Variants in CDH18 observed in about 807,000 individuals in gnomAD.
CDH18 encodes the protein cadherin 18, also known as cadherin-18.
Under a neutral mutation model 67.9 loss-of-function variants are expected in CDH18, and 31 were observed. The ratio of observed to expected loss-of-function variants is 0.46; its 90% confidence interval spans 0.34 to 0.62. The LOEUF is 0.62. CDH18 is among the 20% of genes least tolerant of loss of function. The probability of loss-of-function intolerance (pLI) is 0.01; values close to 1 mark genes in which losing one functional copy is unlikely to be tolerated. For missense variants in CDH18, 890 were observed against 975.5 expected (o/e 0.91, Z 1.17); for synonymous variants, 362 against 347.2 (o/e 1.04, Z -0.48).
rs112394785 is a variant in CDH18, at chr5:20,512,701, T to C, written c.-580+62761A>G. On this transcript the variant is annotated intron_variant, in intron 1 of 14. Coordinates refer to the CDH18 transcript ENST00000507958. Reference sequence around the variant, plus strand: ...GAGTTCGAGACCAGCCTGGCCAATATAGTGAAACCCCATCTCTACTAAAAA... The same window carrying C: ...GAGTTCGAGACCAGCCTGGCCAATACAGTGAAACCCCATCTCTACTAAAAA... 5.8e-3 allele frequency among the ~76,000 whole-genome samples: 887 copies of C among 152,034 alleles called. 8 individuals carry two copies. Among genetic ancestry groups the C allele is most frequent in the African/African-American group, 0.02 (844 of 41,490 alleles).
chr5:19,599,407 CAG>C (rs1233542057), intron 6 of CDH18, among the ~76,000 whole-genome samples: 1 of 152,042 alleles, frequency 6.6e-6, no homozygotes, highest in Non-Finnish European at 1.5e-5. Flanking sequence ...CTAAGTAAAA[CAG>C]ATGTTATGCT....
intron 1 of CDH18, chr5:20,304,014 T>G (rs1167568142): frequency 8.2e-7 from 1 of 1,217,066 alleles, no homozygotes; most frequent in African/African-American, 1.5e-5. Flanking sequence ...AGCAGCAACT[T>G]GGCAATAATT....
intron 2 of CDH18, among the ~76,000 whole-genome samples, chr5:20,178,688 T>G (rs556999425): frequency 6.6e-6 from 1 of 151,994 alleles, no homozygotes; most frequent in South Asian, 2.1e-4. Flanking sequence ...AGTGGGGGTA[T>G]GCAGACACTA....
chr5:20,316,486 C>T (rs530890708), intron 1 of CDH18, among the ~76,000 whole-genome samples: 1 of 152,174 alleles, frequency 6.6e-6, no homozygotes, highest in Non-Finnish European at 1.5e-5. Flanking sequence ...GCACAATACA[C>T]ATAATTATTT....
intron 2 of CDH18, among the ~76,000 whole-genome samples, chr5:19,863,560 C>T (rs1396146400): frequency 3.3e-5 from 5 of 152,210 alleles, no homozygotes; most frequent in Admixed American, 2.6e-4. Context: ...CTCCCCATGA[C>T]ACCGTTAATT....
intron 2 of CDH18, among the ~76,000 whole-genome samples, chr5:20,090,037 A>G (rs1336247586): frequency 1.3e-5 from 2 of 152,182 alleles, no homozygotes. Flanking sequence ...TAAATTAAAT[A>G]TAGCCCTTGG....
chr5:20,138,430 C>T (rs1026265188), intron 2 of CDH18, among the ~76,000 whole-genome samples: 1 of 152,144 alleles, frequency 6.6e-6, no homozygotes, highest in African/African-American at 2.4e-5. Context: ...TCTCTCACTA[C>T]TCCTGTTAAA....
intron 2 of CDH18, among the ~76,000 whole-genome samples, chr5:20,204,191 C>T (rs912652629): frequency 1.3e-5 from 2 of 151,838 alleles, no homozygotes; most frequent in Admixed American, 6.6e-5. Flanking sequence ...TCTCAAAGCA[C>T]GTAATAACCA....
At chr5:19,774,426 T>TAAAAATAAAATAAAATAAAA (rs146014082) in intron 3 of CDH18, among the ~76,000 whole-genome samples, 1 of 139,450 alleles carries the variant, frequency 7.2e-6, no homozygotes, top group African/African-American at 2.6e-5. Flanking sequence ...TAAAATAAAA[T>TAAAAATAAAATAAAATAAAA]TAAAATAAAA....
chr5:20,434,037 A>C (rs1437047783), intron 1 of CDH18, among the ~76,000 whole-genome samples: 1 of 152,092 alleles, frequency 6.6e-6, no homozygotes, highest in Admixed American at 6.6e-5. Context: ...CCCTGGTACT[A>C]GGAATGTTTG....
intron 1 of CDH18, among the ~76,000 whole-genome samples, chr5:20,515,012 T>TA (rs945182120): frequency 2.6e-4 from 39 of 150,168 alleles, no homozygotes; most frequent in African/African-American, 5.4e-4. Flanking sequence ...GAGTAAAAAT[T>TA]AAAAAAAAAC....
chr5:20,534,513 T>C (rs138853043), intron 1 of CDH18, among the ~76,000 whole-genome samples: 5 of 152,162 alleles, frequency 3.3e-5, no homozygotes, highest in African/African-American at 1.2e-4. Context: ...GGCAATCAAC[T>C]GTTTATGAGT....
chr5:19,975,179 T>C (rs941526366), intron 2 of CDH18, among the ~76,000 whole-genome samples: 11 of 152,132 alleles, frequency 7.2e-5, no homozygotes, highest in Non-Finnish European at 1.6e-4. Context: ...AAATCTCAGT[T>C]CAAAGTATAC....
In CDH18 at chr5:20,458,437, G is replaced by A. The variant is rs571915310; in HGVS notation, c.-580+117025C>T. 2.4e-4 allele frequency among the ~76,000 whole-genome samples: 37 copies of A among 152,236 alleles called. 1 individual carries two copies. The highest frequency in any genetic ancestry group is 7.5e-4 in the African/African-American group (31 of 41,546). Reference sequence around the variant, plus strand: ...GTTCGAGACCAGCCTGACCAACATGGTGAGATCCTGTCTCTAGTGAAAATG... The same window carrying A: ...GTTCGAGACCAGCCTGACCAACATGATGAGATCCTGTCTCTAGTGAAAATG... On this transcript the variant is annotated intron_variant, in intron 1 of 14. Transcript: ENST00000507958.
chr5:19,909,693 A>T (rs542842725), intron 2 of CDH18, among the ~76,000 whole-genome samples: 31 of 36,338 alleles, frequency 8.5e-4, no homozygotes, highest in Middle Eastern at 8.5e-3. Flanking sequence ...GTCAAATGGC[A>T]AAAAAAAAAA....
chr5:20,008,291 C>G (rs1374886648), intron 2 of CDH18, among the ~76,000 whole-genome samples: 2 of 152,034 alleles, frequency 1.3e-5, no homozygotes, highest in African/African-American at 4.8e-5. Context: ...TACATAATCA[C>G]TCATGTTTGC....
At chr5:19,507,790 G>T (rs560974385) in intron 10 of CDH18, among the ~76,000 whole-genome samples, 1 of 152,172 alleles carries the variant, frequency 6.6e-6, no homozygotes, top group Admixed American at 6.5e-5. Flanking sequence ...AACATTAGGA[G>T]ATATATCTAA....
At chr5:20,499,156 C>T (rs1754088614) in intron 1 of CDH18, among the ~76,000 whole-genome samples, 1 of 151,884 alleles carries the variant, frequency 6.6e-6, no homozygotes, top group Non-Finnish European at 1.5e-5. Flanking sequence ...CTCTTGGTAT[C>T]TATAAGGGAT....
chr5:19,685,394 A>C (rs1165588633), intron 5 of CDH18, among the ~76,000 whole-genome samples: 2 of 152,180 alleles, frequency 1.3e-5, no homozygotes, highest in African/African-American at 4.8e-5. Context: ...ATTGGTTCCA[A>C]AGTCACTCTG....
Sources: gnomAD v4.1 joint callset for allele counts (sites outside exome capture counted in the v4.1 genomes callset) on GRCh38, gnomAD v4.1.1 for gene constraint, MANE v1.5 for transcripts, NCBI Gene and HGNC (gene_info 2026-07-23, HGNC 2026-07-21) for gene names.